The following CSMD1 variants were observed in gnomAD, a reference collection of about 807,000 sequenced individuals.
The protein encoded by CSMD1 is CUB and Sushi multiple domains 1.
In CSMD1, 213 loss-of-function variants were observed where a neutral mutation model predicts 417.5. The observed-to-expected ratio is 0.51, with a 90% CI of 0.46 to 0.57. CSMD1 has a LOEUF of 0.57. Ranked by LOEUF, CSMD1 falls within the 20% of genes least tolerant of loss-of-function variation. CSMD1 has a pLI of 0.00. For missense variants in CSMD1, 6,923 were observed against 4,529.7 expected, an observed-to-expected ratio of 1.53 and a Z score of -15.17; for synonymous variants, 2,862 against 1,736.8, an observed-to-expected ratio of 1.65 and a Z score of -16.11.
intron 5 of CSMD1, among the ~76,000 whole-genome samples, chr8:3,874,740 G>T (rs188944291): frequency 2.3e-4 from 35 of 152,258 alleles, no homozygotes; most frequent in African/African-American, 8.4e-4. Flanking sequence ...GGCAATGGAG[G>T]TGAGAACATA....
chr8:3,400,348 T>G (rs144323064), intron 15 of CSMD1, among the ~76,000 whole-genome samples: 1 of 152,122 alleles, frequency 6.6e-6, no homozygotes, highest in Non-Finnish European at 1.5e-5. Context: ...ATAAAGTACG[T>G]GAAAATACTC....
intron 12 of CSMD1, among the ~76,000 whole-genome samples, chr8:3,429,611 G>C (rs1389071533): frequency 6.6e-6 from 1 of 152,182 alleles, no homozygotes; most frequent in Non-Finnish European, 1.5e-5. Context: ...ATCTTGACGA[G>C]GGGTGGTGAA....
At chr8:4,754,052 G>T (rs1318536777) in intron 1 of CSMD1, among the ~76,000 whole-genome samples, 1 of 151,992 alleles carries the variant, frequency 6.6e-6, no homozygotes, top group East Asian at 1.9e-4. Context: ...TAACATAAAA[G>T]GAAAAATGTA....
At chr8:4,465,779 A>G (rs1049710989) in intron 2 of CSMD1, among the ~76,000 whole-genome samples, 1 of 152,186 alleles carries the variant, frequency 6.6e-6, no homozygotes, top group Non-Finnish European at 1.5e-5. Context: ...ACCTCTGAGA[A>G]TGGGGGTGGT....
chr8:4,243,341 G>C (rs561977648), intron 3 of CSMD1, among the ~76,000 whole-genome samples: 1 of 152,212 alleles, frequency 6.6e-6, no homozygotes, highest in East Asian at 1.9e-4. Flanking sequence ...CTAAAGCTTT[G>C]AAAACCTATG....
intron 1 of CSMD1, among the ~76,000 whole-genome samples, chr8:4,982,728 A>C (rs966979819): frequency 4.6e-5 from 7 of 152,204 alleles, no homozygotes; most frequent in African/African-American, 1.7e-4. Context: ...AAAGAAAAAC[A>C]CATTTGCTAG....
chr8:4,147,982 G>C (rs1019907125), intron 3 of CSMD1, among the ~76,000 whole-genome samples: 2 of 152,114 alleles, frequency 1.3e-5, no homozygotes, highest in South Asian at 2.1e-4. Flanking sequence ...GCCCTGAGTA[G>C]AGGTTAGGTC....
chr8:3,296,366 C>T (rs958371117), intron 25 of CSMD1, among the ~76,000 whole-genome samples: 1 of 151,784 alleles, frequency 6.6e-6, no homozygotes, highest in African/African-American at 2.4e-5. Flanking sequence ...GGAAGGGGGA[C>T]TGGGAAGGAA....
At chr8:4,948,816 T>A (rs1309141211) in intron 1 of CSMD1, among the ~76,000 whole-genome samples, 1 of 152,126 alleles carries the variant, frequency 6.6e-6, no homozygotes, top group East Asian at 1.9e-4. Context: ...TCCCCTAGAA[T>A]GGAGCTGCAG....
intron 12 of CSMD1, among the ~76,000 whole-genome samples, chr8:3,454,682 G>A (rs1815988074): frequency 6.6e-6 from 1 of 152,232 alleles, no homozygotes; most frequent in Non-Finnish European, 1.5e-5. Flanking sequence ...GGAGAGATCA[G>A]CTGTTAGTCT....
At position 3,409,527 on chromosome 8, in the gene CSMD1, T is replaced by C. The variant is rs574266772; in HGVS notation, c.1640A>G (p.Asp547Gly). Residue 547 changes from aspartate to glycine, a missense_variant, in exon 13 of 70, where the codon GAT becomes GGT. Physicochemically the swap from Asp to Gly is moderately conservative, Grantham distance 94. Coordinates refer to ENST00000635120, the MANE Select transcript of CSMD1 (RefSeq NM_033225.6). The stretch of plus-strand genomic sequence containing the variant: ...CGCCGGGCATTCAAAGGTGAGTGTA[T>C]CTCCATGGAGGAAACTGCTGCCCGT... Reference protein sequence around the residue: ...KRTGSSFLHGDTLTFECPAAF... With the variant: ...KRTGSSFLHGGTLTFECPAAF... The C allele has an allele frequency of 1.3e-4, 217 of 1,611,238 alleles. No individual in the cohort carries two copies. Among genetic ancestry groups the C allele is most frequent in the Non-Finnish European group, 1.7e-4 (200 of 1,178,886 alleles).
chr8:4,933,637 C>A lies in CSMD1; in HGVS notation c.85+60695G>T, dbSNP rs538322718. ...GACCCCACAACCACAATGTACTTTC[C>A]GAATGCCTGTCAAATAAATGGATAG... is the stretch of plus-strand genomic sequence containing the variant. On this transcript the variant is annotated intron_variant, in intron 1 of 69. Coordinates refer to ENST00000635120, the MANE Select transcript of CSMD1 (RefSeq NM_033225.6). Among the ~76,000 whole-genome samples the A allele has an allele frequency of 3.9e-5, 6 of 152,120 alleles. No homozygotes were observed. In the South Asian group the frequency reaches 1.2e-3, roughly 32 times the overall value.
Position 4,675,923 on chromosome 8 carries a change from C to T in CSMD1, c.86-38365G>A, listed in dbSNP as rs550510382. 4.6e-5 allele frequency among the ~76,000 whole-genome samples: 7 copies of T among 152,182 alleles called. No individual in the cohort carries two copies. The South Asian group carries it at 6.2e-4, about 14-fold the overall frequency. ...ACTAGTAGAAAAAGAGAAAAATAAA[C>T]GTTAAGCCTGGATTGAATGATTTGT... On this transcript the variant is annotated intron_variant, in intron 1 of 69. Transcript: ENST00000635120.
At chr8:3,100,196 C>T (rs144394317) in intron 46 of CSMD1, among the ~76,000 whole-genome samples, 1,688 of 152,134 alleles carry the variant, frequency 0.011, 12 homozygotes, top group Non-Finnish European at 0.019. Flanking sequence ...GGACTACAGG[C>T]GCACACCACC....
intron 2 of CSMD1, among the ~76,000 whole-genome samples, chr8:4,438,476 G>A (rs1247999559): frequency 1.3e-5 from 2 of 152,166 alleles, no homozygotes; most frequent in African/African-American, 2.4e-5. Flanking sequence ...ATGGACCAAC[G>A]CTTGGGTTCC....
chr8:3,956,778 G>A (rs912407274), intron 5 of CSMD1, among the ~76,000 whole-genome samples: 1 of 152,082 alleles, frequency 6.6e-6, no homozygotes, highest in African/African-American at 2.4e-5. Flanking sequence ...TTAGCCTCTG[G>A]AAGAATCGAT....
chr8:3,414,638 T>C (rs73657863), intron 12 of CSMD1, among the ~76,000 whole-genome samples: 1,980 of 152,266 alleles, frequency 0.013, 43 homozygotes, highest in African/African-American at 0.045. Context: ...TTGTTCTTAG[T>C]CCAGATCCTA....
intron 53 of CSMD1, among the ~76,000 whole-genome samples, chr8:2,999,394 T>C (rs1458440557): frequency 6.6e-6 from 1 of 152,146 alleles, no homozygotes; most frequent in African/African-American, 2.4e-5. Context: ...CCTCAGGTGA[T>C]CCACCTGCCT....
intron 50 of CSMD1, among the ~76,000 whole-genome samples, chr8:3,038,270 C>G (rs761305732): frequency 5.9e-5 from 9 of 152,110 alleles, no homozygotes; most frequent in African/African-American, 2.2e-4. Flanking sequence ...AACTTTATTA[C>G]CTGAGTTCAA....
Sources: gnomAD v4.1 joint callset for allele counts (sites outside exome capture counted in the v4.1 genomes callset) on GRCh38, gnomAD v4.1.1 for gene constraint, MANE v1.5 for transcripts, NCBI Gene and HGNC (gene_info 2026-07-23, HGNC 2026-07-21) for gene names.